The following MAML3 variants were observed in gnomAD, a reference collection of about 807,000 sequenced individuals.
The protein encoded by MAML3 is mastermind like transcriptional coactivator 3.
A neutral mutation model predicts 101.9 loss-of-function variants in MAML3; 27 were observed. That is an observed-to-expected ratio of 0.27 (90% CI 0.20 to 0.37). The LOEUF (loss-of-function observed/expected upper bound fraction) is 0.37. Among genes scored for constraint, MAML3 ranks in the 10% least tolerant of loss-of-function variants. The pLI is 1.00. For synonymous variants in MAML3, 501 were observed against 555.9 expected (o/e 0.90, Z 1.39); for missense variants, 1,316 against 1,444.9 (o/e 0.91, Z 1.45).
intron 1 of MAML3, among the ~76,000 whole-genome samples, chr4:140,139,707 T>C (rs1478787639): frequency 6.6e-6 from 1 of 152,258 alleles, no homozygotes; most frequent in Non-Finnish European, 1.5e-5. Context: ...TTTTATCTAA[T>C]AGTTGTTATA....
chr4:139,877,440 A>T (rs990149635), intron 2 of MAML3, among the ~76,000 whole-genome samples: 10 of 152,132 alleles, frequency 6.6e-5, no homozygotes, highest in African/African-American at 2.4e-4. Flanking sequence ...GAACTGTTTA[A>T]AGTGTGCTCC....
intron 2 of MAML3, among the ~76,000 whole-genome samples, chr4:139,862,169 A>G (rs1435896736): frequency 6.6e-6 from 1 of 152,182 alleles, no homozygotes; most frequent in Non-Finnish European, 1.5e-5. Flanking sequence ...AGATCGTGCC[A>G]TTGCACTCCA....
intron 1 of MAML3, among the ~76,000 whole-genome samples, chr4:140,071,108 G>A (rs998106837): frequency 2.0e-5 from 3 of 152,144 alleles, no homozygotes; most frequent in African/African-American, 4.8e-5. Flanking sequence ...TTTGTCTATC[G>A]GATGCATACT....
intron 1 of MAML3, among the ~76,000 whole-genome samples, chr4:139,928,806 TAG>T (rs1388088693): frequency 1.3e-5 from 2 of 151,682 alleles, no homozygotes; most frequent in East Asian, 3.9e-4. Context: ...AGTTTGTGAG[TAG>T]AGAAGTGACC....
chr4:140,092,512 G>A lies in MAML3; in HGVS notation c.468+60348C>T, dbSNP rs1728077597. ...AAAACCGAGAACAAACGGCGCGGCCGCTCCTGATCCCGGAGGCTGCAGAGC... is the reference window on the plus strand; with the variant it reads ...AAAACCGAGAACAAACGGCGCGGCCACTCCTGATCCCGGAGGCTGCAGAGC... On this transcript the variant is annotated intron_variant, in intron 1 of 4. Coordinates refer to ENST00000509479, the MANE Select transcript of MAML3 (RefSeq NM_018717.5). Among the ~76,000 whole-genome samples the A allele has an allele frequency of 2.0e-5, 3 of 152,154 alleles. No homozygotes were observed. The South Asian group carries it at 6.3e-4, about 32-fold the overall frequency.
rs116590805 is a variant in MAML3, at chr4:139,909,346, G to A, written c.469-18379C>T. On this transcript the variant is annotated intron_variant, in intron 1 of 4. Coordinates refer to ENST00000509479, the MANE Select transcript of MAML3 (RefSeq NM_018717.5). ...AACTGCATGAATATTTAACGAACAG[G>A]TATACATAATACTTGACACGTCTAT... Among the ~76,000 whole-genome samples the A allele has an allele frequency of 2.7e-3, 412 of 152,250 alleles. 2 individuals are homozygous for A. Among genetic ancestry groups the A allele is most frequent in the Non-Finnish European group, 3.9e-3 (264 of 68,016 alleles).
Position 139,982,683 on chromosome 4 carries a change from A to T in MAML3, c.469-91716T>A, listed in dbSNP as rs75505632. ...ATACACAAAAGTATCTATAACATTG[A>T]TGTATATGCATACATCTATATCTAT... On this transcript the variant is annotated intron_variant, in intron 1 of 4. Transcript: ENST00000509479. Among the ~76,000 whole-genome samples, 1,286 of 152,290 alleles carry T rather than the reference A, an allele frequency of 8.4e-3. 9 individuals are homozygous for T. The highest frequency in any genetic ancestry group is 0.013 in the Non-Finnish European group (870 of 68,024).
chr4:140,137,052 T>C (rs975291588), intron 1 of MAML3, among the ~76,000 whole-genome samples: 1 of 152,244 alleles, frequency 6.6e-6, no homozygotes, highest in Non-Finnish European at 1.5e-5. Context: ...GCAGTGGCGC[T>C]ATCTCGGCTC....
intron 1 of MAML3, among the ~76,000 whole-genome samples, chr4:139,991,846 A>C (rs1329330608): frequency 6.6e-6 from 1 of 152,102 alleles, no homozygotes; most frequent in Admixed American, 6.6e-5. Flanking sequence ...ATCCTGTCTC[A>C]GAAAAACAAC....
At chr4:140,134,857 A>G (rs987900809) in intron 1 of MAML3, among the ~76,000 whole-genome samples, 3 of 152,192 alleles carry the variant, frequency 2.0e-5, no homozygotes, top group Non-Finnish European at 4.4e-5. Flanking sequence ...ATTCTCAGGC[A>G]CGAATCACAA....
intron 2 of MAML3, among the ~76,000 whole-genome samples, chr4:139,740,988 G>T (rs1211610066): frequency 1.3e-5 from 2 of 152,166 alleles, no homozygotes; most frequent in South Asian, 2.1e-4. Flanking sequence ...CTGCTCTGCC[G>T]GTTTCCCGAC....
chr4:139,957,953 T>C (rs977282673), intron 1 of MAML3, among the ~76,000 whole-genome samples: 2 of 152,208 alleles, frequency 1.3e-5, no homozygotes, highest in Admixed American at 1.3e-4. Context: ...TGAGCATAAG[T>C]ATATATGTAT....
At chr4:140,064,816 C>G (rs1877079) in intron 1 of MAML3, among the ~76,000 whole-genome samples, 4 of 152,058 alleles carry the variant, frequency 2.6e-5, no homozygotes, top group Non-Finnish European at 5.9e-5. Flanking sequence ...CCAAAAACAA[C>G]AGAACAACAG....
chr4:139,947,514 C>G (rs1314033449), intron 1 of MAML3, among the ~76,000 whole-genome samples: 1 of 152,176 alleles, frequency 6.6e-6, no homozygotes, highest in African/African-American at 2.4e-5. Context: ...GTGGATTGGA[C>G]TCTGTCCTAT....
intron 3 of MAML3, among the ~76,000 whole-genome samples, chr4:139,726,406 A>G (rs1488229066): frequency 6.6e-6 from 1 of 152,150 alleles, no homozygotes; most frequent in African/African-American, 2.4e-5. Flanking sequence ...ATTCCTGTAC[A>G]TGCCTTTGGT....
At chr4:139,729,396 G>T (rs1366186206) in intron 3 of MAML3, among the ~76,000 whole-genome samples, 1 of 152,128 alleles carries the variant, frequency 6.6e-6, no homozygotes, top group Non-Finnish European at 1.5e-5. Flanking sequence ...GAGATGGGAG[G>T]ATCGCTTGAG....
chr4:139,993,569 T>TA (rs1734746279), intron 1 of MAML3, among the ~76,000 whole-genome samples: 2 of 152,194 alleles, frequency 1.3e-5, no homozygotes, highest in South Asian at 4.2e-4. Flanking sequence ...CTCACTCCTG[T>TA]AATCCCTGCA....
intron 2 of MAML3, among the ~76,000 whole-genome samples, chr4:139,771,996 T>G (rs1217500823): frequency 6.6e-6 from 1 of 150,798 alleles, no homozygotes; most frequent in Non-Finnish European, 1.5e-5. Context: ...TCCCAGCACT[T>G]TGGGAGGCCG....
chr4:140,106,411 T>A (rs564367725), intron 1 of MAML3, among the ~76,000 whole-genome samples: 1 of 152,334 alleles, frequency 6.6e-6, no homozygotes, highest in South Asian at 2.1e-4. Context: ...TAAACTGCTA[T>A]ATGCTCCTAG....
Sources: allele counts gnomAD v4.1 joint callset (sites outside exome capture counted in the v4.1 genomes callset), GRCh38; gene constraint gnomAD v4.1.1; transcripts MANE v1.5; gene names NCBI Gene and HGNC (gene_info 2026-07-23, HGNC 2026-07-21).